KALRN: variants seen among roughly 807,000 people sequenced by gnomAD.
KALRN encodes the protein kalirin RhoGEF kinase, also known as kalirin.
Under a neutral mutation model 353.7 loss-of-function variants are expected in KALRN, and 70 were observed. The observed-to-expected ratio is 0.20, with a 90% CI of 0.16 to 0.24. The LOEUF is 0.24. KALRN is among the 10% of genes least tolerant of loss of function. The pLI is 1.00. For missense variants in KALRN, 2,791 were observed against 3,756.7 expected (o/e 0.74, Z 6.72); for synonymous variants, 1,391 against 1,434.8 (o/e 0.97, Z 0.69).
intron 1 of KALRN, among the ~76,000 whole-genome samples, chr3:124,057,484 T>C (rs1250711574): frequency 6.6e-6 from 1 of 152,148 alleles, no homozygotes; most frequent in Non-Finnish European, 1.5e-5. Flanking sequence ...CAGTATACGA[T>C]GCATTCAGCA....
At chr3:124,289,320 C>G (rs2076224180) in intron 5 of KALRN, among the ~76,000 whole-genome samples, 2 of 152,122 alleles carry the variant, frequency 1.3e-5, no homozygotes, top group South Asian at 4.1e-4. Context: ...ATAGCAGGCA[C>G]TGTGTGACTA....
chr3:124,294,564 C>A (rs1035390153), intron 5 of KALRN, among the ~76,000 whole-genome samples: 2 of 113,420 alleles, frequency 1.8e-5, no homozygotes, highest in African/African-American at 6.9e-5. Context: ...TCGCACTGTT[C>A]CCTGGGCTAG....
At chr3:124,418,687 CAA>C (rs1378279261) in intron 14 of KALRN, among the ~76,000 whole-genome samples, 1 of 152,206 alleles carries the variant, frequency 6.6e-6, no homozygotes, top group Non-Finnish European at 1.5e-5. Flanking sequence ...CATCTGGTAA[CAA>C]AGGAAAGCAA....
In KALRN at chr3:124,439,200, T is replaced by TCACACACACACACACACA. The variant is rs376221553; in HGVS notation, c.3198+183_3198+200dup. 9.8e-3 allele frequency among the ~76,000 whole-genome samples: 972 copies of TCACACACACACACACACA among 98,786 alleles called. 15 individuals carry two copies. The highest frequency in any genetic ancestry group is 0.031 in the African/African-American group (863 of 28,278). The allele number at this position is 98,786 out of a possible 152,430, so 64.8% of individuals were successfully genotyped here. A position where few individuals can be genotyped will look rare whatever the true frequency, so the allele number is the denominator to read the frequency against. On this transcript the variant is annotated intron_variant, in intron 18 of 59. Coordinates refer to ENST00000682506, the MANE Select transcript of KALRN (RefSeq NM_001388419.1). ...TCCTTCTTCTCCTTCTCTCTCTCTC[T>TCACACACACACACACACA]CACACACACACACACACACACACAC...
At chr3:124,094,562 C>T in intron 1 of KALRN, 1 of 503,632 alleles carries the variant, frequency 2.0e-6, no homozygotes, top group Non-Finnish European at 3.6e-6. Flanking sequence ...CCCTTCCTGA[C>T]TCCCTCCCAC....
Position 124,413,590 on chromosome 3 carries a change from A to G in KALRN, c.2467A>G (p.Met823Val). Residue 823 changes from methionine to valine, a missense_variant, in exon 14 of 60, where the codon ATG becomes GTG. Transcript: ENST00000682506. ...LQRHTERKLA[M>V]NNMTFEVIQQ... is the part of the protein sequence containing the mutation. ...GCGCCACACAGAACGGAAGCTAGCC[A>G]TGAACAACATGACCTTTGAGGTTAT... 1.2e-6 allele frequency: 2 copies of G among 1,614,160 alleles called. No homozygotes were observed. The highest frequency in any genetic ancestry group is 1.1e-5 in the South Asian group (1 of 91,068).
Position 124,655,585 on chromosome 3 carries a change from T to C in KALRN, c.5796-16T>C. 6.2e-7 allele frequency: 1 copy of C among 1,608,906 alleles called. No homozygotes were observed. The highest frequency in any genetic ancestry group is 1.1e-5 in the South Asian group (1 of 90,960). ...CAATGAAGAGGAACACTCACTGTTCTTAATCTCCTGCTCAGGTTTGTCCTG... is the reference window on the plus strand; with the variant it reads ...CAATGAAGAGGAACACTCACTGTTCCTAATCTCCTGCTCAGGTTTGTCCTG... On this transcript the variant is annotated splice_polypyrimidine_tract_variant and intron_variant, in intron 38 of 59. Transcript: ENST00000682506.
chr3:124,136,633 T>C (rs1382948597), intron 1 of KALRN, among the ~76,000 whole-genome samples: 2 of 152,154 alleles, frequency 1.3e-5, no homozygotes, highest in Admixed American at 1.3e-4. Flanking sequence ...TTTGTTGGCC[T>C]TTAGGGTCTC....
chr3:124,108,435 T>C (rs756662329), intron 1 of KALRN, among the ~76,000 whole-genome samples: 15 of 152,224 alleles, frequency 9.9e-5, no homozygotes, highest in Non-Finnish European at 1.8e-4. Context: ...TAGGATAATA[T>C]CTACCTGTGG....
At chr3:124,296,416 A>G (rs774269818) in intron 5 of KALRN, among the ~76,000 whole-genome samples, 52 of 152,000 alleles carry the variant, frequency 3.4e-4, no homozygotes, top group East Asian at 1.4e-3. Flanking sequence ...TAAGTCCCCA[A>G]TCCTGCTCCC....
At chr3:124,051,164 T>C (rs1012153100) in intron 1 of KALRN, among the ~76,000 whole-genome samples, 1 of 152,330 alleles carries the variant, frequency 6.6e-6, no homozygotes. Flanking sequence ...AAGCATGTAG[T>C]GAGCACTTGT....
chr3:124,508,107 C>T (rs582634), intron 33 of KALRN, among the ~76,000 whole-genome samples: 144,230 of 152,304 alleles, frequency 0.95, 68,799 homozygotes, highest in East Asian at 1. Flanking sequence ...TTCTTAAGTA[C>T]AAACATCTGA....
At chr3:124,532,582 G>T (rs553055522) in intron 33 of KALRN, among the ~76,000 whole-genome samples, 4 of 152,272 alleles carry the variant, frequency 2.6e-5, no homozygotes, top group African/African-American at 9.6e-5. Context: ...GAGGTGGGCG[G>T]ATCACTTGAG....
intron 10 of KALRN, among the ~76,000 whole-genome samples, chr3:124,348,939 G>A (rs2082562204): frequency 2.6e-5 from 4 of 151,984 alleles, no homozygotes; most frequent in Admixed American, 6.6e-5. Flanking sequence ...GGCTGGTCTC[G>A]AACTCCTGAC....
intron 29 of KALRN, 133 bp from the exon 30 acceptor site, chr3:124,490,561 G>T: frequency 1.4e-6 from 1 of 705,070 alleles, no homozygotes; most frequent in South Asian, 1.9e-5. Context: ...TCTGGAGTTA[G>T]CAGAGAGAAA....
At chr3:124,490,076 T>C (rs1351529129) in intron 29 of KALRN, among the ~76,000 whole-genome samples, 3 of 151,928 alleles carry the variant, frequency 2.0e-5, no homozygotes, top group Non-Finnish European at 2.9e-5. Context: ...CTGGGCAACA[T>C]AGGGAGACCT....
At chr3:124,099,636 A>G (rs983075627) in intron 1 of KALRN, among the ~76,000 whole-genome samples, 1 of 152,202 alleles carries the variant, frequency 6.6e-6, no homozygotes, top group African/African-American at 2.4e-5. Context: ...AGAAACCTCC[A>G]TACTGTTTTC....
chr3:124,481,541 A>G (rs2061986777), intron 27 of KALRN, among the ~76,000 whole-genome samples: 1 of 152,176 alleles, frequency 6.6e-6, no homozygotes, highest in Admixed American at 6.5e-5. Context: ...ATGCTTTACC[A>G]TTGAAAAACT....
At chr3:124,259,854 T>C (rs2072594671) in intron 3 of KALRN, among the ~76,000 whole-genome samples, 1 of 152,178 alleles carries the variant, frequency 6.6e-6, no homozygotes, top group South Asian at 2.1e-4. Context: ...CAGGTTTAAA[T>C]AGGGTTGTCC....
Sources: gnomAD v4.1 joint callset for allele counts (sites outside exome capture counted in the v4.1 genomes callset) on GRCh38, gnomAD v4.1.1 for gene constraint, MANE v1.5 for transcripts, NCBI Gene and HGNC (gene_info 2026-07-23, HGNC 2026-07-21) for gene names.